Variants in PCDHGA10 observed in about 807,000 individuals in gnomAD.
The protein encoded by PCDHGA10 is protocadherin gamma subfamily A, 10.
Under a neutral mutation model 59.5 loss-of-function variants are expected in PCDHGA10, and 42 were observed. The ratio of observed to expected loss-of-function variants is 0.71; its 90% CI spans 0.55 to 0.91. The LOEUF (loss-of-function observed/expected upper bound fraction) is 0.91. Ranked by LOEUF, PCDHGA10 falls within the 40% of genes least tolerant of loss-of-function variation. The probability of loss-of-function intolerance (pLI) is 0.00; values close to 1 mark genes in which losing one functional copy is unlikely to be tolerated. For synonymous variants in PCDHGA10, 511 were observed against 517.2 expected (o/e 0.99, Z 0.16); for missense variants, 1,111 against 1,198.2 (o/e 0.93, Z 1.07).
rs563876979 is a variant in PCDHGA10, at chr5:141,417,900, G to A, written c.2436+2289G>A. 5 of 1,583,452 alleles carry A rather than the reference G, an allele frequency of 3.2e-6. No individual in the cohort carries two copies. Among genetic ancestry groups the A allele is most frequent in the South Asian group, 2.3e-5 (2 of 88,062 alleles). On this transcript the variant is annotated intron_variant, in intron 1 of 3. Coordinates refer to ENST00000398610, the MANE Select transcript of PCDHGA10 (RefSeq NM_018913.3). ...GCGCAGAGGCGCCGGGCCGGCCCGC[G>A]GCAGGTACTATTTCCTTTGCTGCTG...
chr5:141,507,578 C>T (rs1268451710), intron 3 of PCDHGA10, among the ~76,000 whole-genome samples: 1 of 152,220 alleles, frequency 6.6e-6, no homozygotes, highest in East Asian at 1.9e-4. Context: ...GAGGAGATGC[C>T]AAGTTGGCCT....
intron 1 of PCDHGA10, among the ~76,000 whole-genome samples, chr5:141,430,014 G>A (rs925858697): frequency 6.6e-6 from 1 of 152,130 alleles, no homozygotes; most frequent in South Asian, 2.1e-4. Context: ...TTTCACTTGG[G>A]TTCTTGTTAA....
In PCDHGA10 at chr5:141,491,907, G is replaced by A; in HGVS notation, c.2437-2900G>A. 5 of 1,408,726 alleles carry A rather than the reference G, an allele frequency of 3.5e-6. No homozygotes were observed. In the South Asian group the frequency reaches 7.5e-5, roughly 21 times the overall value. The allele number at this position is 1,408,726 out of a possible 1,614,324, so 87.3% of individuals were successfully genotyped here. A position where few individuals can be genotyped will look rare whatever the true frequency, so the allele number is the denominator to read the frequency against. ...TGGGGCTCCGAGCACCGGGGGTGGTGGCGACTGTGGGCGAGGGGAGGTGGG... is the reference window on the plus strand; with the variant it reads ...TGGGGCTCCGAGCACCGGGGGTGGTAGCGACTGTGGGCGAGGGGAGGTGGG... On this transcript the variant is annotated intron_variant, in intron 1 of 3. Coordinates refer to ENST00000398610, the MANE Select transcript of PCDHGA10 (RefSeq NM_018913.3). This position sits in a 1 kb window ranked among gnomAD's most constrained non-coding sequence, Gnocchi z 6.9.
intron 1 of PCDHGA10, among the ~76,000 whole-genome samples, chr5:141,435,547 G>T (rs2097769325): frequency 6.6e-6 from 1 of 152,114 alleles, no homozygotes. Context: ...AACAAAATGT[G>T]TTTTGAGTGC....
rs1156915249 is a variant in PCDHGA10, at chr5:141,426,840, G to C, written c.2436+11229G>C. 8.8e-6 allele frequency: 4 copies of C among 456,584 alleles called. No individual in the cohort carries two copies. In the East Asian group the frequency reaches 2.8e-4, roughly 32 times the overall value. The allele number at this position is 456,584 out of a possible 1,614,324, so 28.3% of individuals were successfully genotyped here. A position where few individuals can be genotyped will look rare whatever the true frequency, so the allele number is the denominator to read the frequency against. On this transcript the variant is annotated intron_variant, in intron 1 of 3. Transcript: ENST00000398610. Reference sequence around the variant, plus strand: ...CTCTCTGATGATGGACAAGACTAAAGGCAAGAACGCTCCAGAATTAGTGCT... The same window carrying C: ...CTCTCTGATGATGGACAAGACTAAACGCAAGAACGCTCCAGAATTAGTGCT...
intron 2 of PCDHGA10, among the ~76,000 whole-genome samples, chr5:141,500,614 C>T (rs1300242596): frequency 1.3e-5 from 2 of 152,204 alleles, no homozygotes; most frequent in African/African-American, 4.8e-5. Context: ...TATTCCCAGT[C>T]ATACGGTACA....
At chr5:141,449,542 T>C (rs1379019468) in intron 1 of PCDHGA10, among the ~76,000 whole-genome samples, 2 of 142,482 alleles carry the variant, frequency 1.4e-5, no homozygotes, top group African/African-American at 5.3e-5. Context: ...TGAGCCGAGA[T>C]CGCACCACTG....
chr5:141,429,534 A>G (rs1036595279), intron 1 of PCDHGA10, among the ~76,000 whole-genome samples: 1 of 152,222 alleles, frequency 6.6e-6, no homozygotes. Context: ...GCTTAAAAAA[A>G]TAAGAACATG....
In PCDHGA10 at chr5:141,414,961, G is replaced by T; in HGVS notation, c.1786G>T (p.Val596Leu). 1 of 1,614,028 alleles carries T rather than the reference G, an allele frequency of 6.2e-7. No individual in the cohort carries two copies. The highest frequency in any genetic ancestry group is 1.1e-5 in the South Asian group (1 of 91,082). Residue 596 changes from valine to leucine, a missense_variant, in exon 1 of 4, where the codon GTG becomes TTG. Val to Leu is a conservative substitution (Grantham distance 32, BLOSUM62 1). Transcript: ENST00000398610. ...GCCCGGCTACCTGGTGACCAAGGTGGTGGCGGTGGACAGAGACTCCGGCCA... is the reference window on the plus strand; with the variant it reads ...GCCCGGCTACCTGGTGACCAAGGTGTTGGCGGTGGACAGAGACTCCGGCCA... ...AEPGYLVTKV[V>L]AVDRDSGQNA...
chr5:141,443,317 C>CAAA (rs35054295), intron 1 of PCDHGA10, among the ~76,000 whole-genome samples: 8 of 142,020 alleles, frequency 5.6e-5, no homozygotes, highest in African/African-American at 2.1e-4. Context: ...CCCATCTCTA[C>CAAA]AAAAAAAAAA....
At chr5:141,420,770 T>G (rs1485978181) in intron 1 of PCDHGA10, among the ~76,000 whole-genome samples, 1 of 152,202 alleles carries the variant, frequency 6.6e-6, no homozygotes, top group Non-Finnish European at 1.5e-5. Flanking sequence ...AGTTTTCAGC[T>G]CCAGTAATAT....
intron 1 of PCDHGA10, chr5:141,421,168 A>G: frequency 1.5e-6 from 2 of 1,331,612 alleles, no homozygotes; most frequent in South Asian, 1.5e-5. Context: ...TCATAGATAC[A>G]TAAGCCGATT....
At position 141,485,135 on chromosome 5, in the gene PCDHGA10, G is replaced by A; in HGVS notation, c.2437-9672G>A. 6.7e-7 allele frequency: 1 copy of A among 1,500,498 alleles called. No individual in the cohort carries two copies. Among genetic ancestry groups the A allele is most frequent in the East Asian group, 2.3e-5 (1 of 44,254 alleles). 92.9% of individuals were successfully genotyped at this position (1,500,498 alleles called of 1,614,324 possible). A position where few individuals can be genotyped will look rare whatever the true frequency, so the allele number is the denominator to read the frequency against. On this transcript the variant is annotated intron_variant, in intron 1 of 3. Coordinates refer to ENST00000398610, the MANE Select transcript of PCDHGA10 (RefSeq NM_018913.3). The surrounding 1 kb of genome is among the most constrained non-coding windows in gnomAD (Gnocchi z 5.7). ...TGTTTGGGGCGGGTCGGCTTCATCCGCGTCTCAGGAGCAAGTAGAGAATTA... is the reference window on the plus strand; with the variant it reads ...TGTTTGGGGCGGGTCGGCTTCATCCACGTCTCAGGAGCAAGTAGAGAATTA...
rs2099605934 is a variant in PCDHGA10, at chr5:141,485,057, C to G, written c.2437-9750C>G. On this transcript the variant is annotated intron_variant, in intron 1 of 3. Transcript: ENST00000398610. The surrounding 1 kb of genome is among the most constrained non-coding windows in gnomAD (Gnocchi z 5.7). ...GTAACCCTTGCGGCGCCGGCCGAAC[C>G]GCGCCAGAGCTGGCGCGGGGAAAGG... The G allele has an allele frequency of 1.2e-6, 1 of 843,720 alleles. No homozygotes were observed. Among genetic ancestry groups the G allele is most frequent in the Non-Finnish European group, 1.9e-6 (1 of 524,586 alleles). 52.3% of individuals were successfully genotyped at this position (843,720 alleles called of 1,614,324 possible).
In PCDHGA10 at chr5:141,430,950, T is replaced by A. The variant is rs756423770; in HGVS notation, c.2436+15339T>A. 7 of 1,609,862 alleles carry A rather than the reference T, an allele frequency of 4.3e-6. No individual in the cohort carries two copies. Among genetic ancestry groups the A allele is most frequent in the Non-Finnish European group, 5.1e-6 (6 of 1,178,368 alleles). On this transcript the variant is annotated intron_variant, in intron 1 of 3. Transcript: ENST00000398610. ...CCCCGGGAGCTCGCGGAGCGCGGAG[T>A]CCGCATCATCCCCAGAGGTAGGACG... is the stretch of plus-strand genomic sequence containing the variant.
chr5:141,460,656 ACTGTAAACACAGT>A (rs2098994793), intron 1 of PCDHGA10, among the ~76,000 whole-genome samples: 1 of 152,086 alleles, frequency 6.6e-6, no homozygotes, highest in Admixed American at 6.6e-5. Flanking sequence ...CACATATGTA[ACTGTAAACACAGT>A]TATATATCTA....
chr5:141,482,601 A>T (rs1158399317), intron 1 of PCDHGA10, among the ~76,000 whole-genome samples: 1 of 152,002 alleles, frequency 6.6e-6, no homozygotes, highest in Non-Finnish European at 1.5e-5. Flanking sequence ...ACGGGAAAAA[A>T]CACCTAAATG....
chr5:141,421,860 C>T (rs759779291), intron 1 of PCDHGA10: 1 of 1,613,750 alleles, frequency 6.2e-7, no homozygotes. Flanking sequence ...CTCACCTGCT[C>T]CTCCTCACAG....
chr5:141,414,790 A>G lies in PCDHGA10; in HGVS notation c.1615A>G (p.Ser539Gly), dbSNP rs1190584746. ...TGAGCTACAGATGCAGGTGACAGCC[A>G]GCGACAGCGGGGATCCTCCACTCAG... Reference protein sequence around the residue: ...FHELQMQVTASDSGDPPLSSN... With the variant: ...FHELQMQVTAGDSGDPPLSSN... The change falls in exon 1 of 4, where the codon AGC becomes GGC. Residue 539 changes from serine to glycine, a missense_variant. By Grantham distance (56) the Ser-to-Gly change is moderately conservative (BLOSUM62 0). Transcript: ENST00000398610. 6.2e-7 allele frequency: 1 copy of G among 1,614,226 alleles called. No homozygotes were observed. The highest frequency in any genetic ancestry group is 1.1e-5 in the South Asian group (1 of 91,086).
Sources: gnomAD v4.1 joint callset for allele counts (sites outside exome capture counted in the v4.1 genomes callset) on GRCh38, gnomAD v4.1.1 for gene constraint, Gnocchi (gnomAD v3.1) non-coding constraint, MANE v1.5 for transcripts, NCBI Gene and HGNC (gene_info 2026-07-23, HGNC 2026-07-21) for gene names.